NOL4L: variants seen among roughly 807,000 people sequenced by gnomAD.
NOL4L encodes the protein nucleolar protein 4-like.
Under a neutral mutation model 64.5 loss-of-function variants are expected in NOL4L, and 7 were observed. The observed-to-expected ratio is 0.11, with a 90% confidence interval of 0.06 to 0.20. NOL4L has a LOEUF of 0.20. Ranked by LOEUF, NOL4L falls within the 10% of genes least tolerant of loss-of-function variation. The pLI, the probability that NOL4L is intolerant of heterozygous loss-of-function variation, is 1.00. For synonymous variants in NOL4L, 413 were observed against 401.0 expected (o/e 1.03, Z -0.36); for missense variants, 680 against 967.1 (o/e 0.70, Z 3.94).
chr20:32,471,746 T>C (rs188315204), intron 5 of NOL4L, among the ~76,000 whole-genome samples: 2 of 152,214 alleles, frequency 1.3e-5, no homozygotes, highest in South Asian at 2.1e-4. Context: ...GGCTGGGTGC[T>C]GTATGGAGTG....
rs545198508 is a variant in NOL4L, at chr20:32,471,894, G to C, written c.841+2707C>G. The stretch of plus-strand genomic sequence containing the variant: ...CTGCCATGTCTGTAAGCTTCCTGAG[G>C]CCTCACCAGAAGCCAAGCAGATGCT... On this transcript the variant is annotated intron_variant, in intron 5 of 10. Coordinates refer to ENST00000621426, the MANE Select transcript of NOL4L (RefSeq NM_001256798.2). Among the ~76,000 whole-genome samples, 29 of 152,212 alleles carry C rather than the reference G, an allele frequency of 1.9e-4. No homozygotes were observed. The East Asian group carries it at 4.8e-3, about 25-fold the overall frequency.
chr20:32,558,903 C>A (rs535837930), intron 1 of NOL4L, among the ~76,000 whole-genome samples: 1 of 152,188 alleles, frequency 6.6e-6, no homozygotes, highest in African/African-American at 2.4e-5. Context: ...CAGCCTGGAC[C>A]GGAGCAGGGG....
At position 32,545,109 on chromosome 20, in the gene NOL4L, T is replaced by A. The variant is rs189952140; in HGVS notation, c.322-17196A>T. 1.8e-3 allele frequency among the ~76,000 whole-genome samples: 267 copies of A among 152,184 alleles called. 2 individuals are homozygous for A. The highest frequency in any genetic ancestry group is 0.015 in the South Asian group (71 of 4,814). ...GTTTATTACAATTTGAGTTTGTTGCTGATACTTAAAAGTTGGGGCTGGGCA... is the reference window on the plus strand; with the variant it reads ...GTTTATTACAATTTGAGTTTGTTGCAGATACTTAAAAGTTGGGGCTGGGCA... On this transcript the variant is annotated intron_variant, in intron 1 of 10. Coordinates refer to ENST00000621426, the MANE Select transcript of NOL4L (RefSeq NM_001256798.2).
chr20:32,565,988 T>C (rs1979405446), intron 1 of NOL4L, among the ~76,000 whole-genome samples: 1 of 152,106 alleles, frequency 6.6e-6, no homozygotes, highest in Admixed American at 6.5e-5. Context: ...AAGGCTGCAG[T>C]GAGCTGTGAT....
chr20:32,447,782 A>G lies in NOL4L; in HGVS notation c.1857T>C (p.Ser619=). ...PTDLSMKGGA[S]TTSTTPTPTP... ...TGGGCGTGGGGGTGGTGGAGGTGGTAGAGGCCCCGCCTTTCATGCTGAGGT... is the reference window on the plus strand; with the variant it reads ...TGGGCGTGGGGGTGGTGGAGGTGGTGGAGGCCCCGCCTTTCATGCTGAGGT... The change falls in exon 11 of 11, where the codon TCT becomes TCC. Residue 619 remains serine, a synonymous_variant. Transcript: ENST00000621426. 1 of 1,578,690 alleles carries G rather than the reference A, an allele frequency of 6.3e-7. No homozygotes were observed. Among genetic ancestry groups the G allele is most frequent in the Non-Finnish European group, 8.6e-7 (1 of 1,158,994 alleles).
chr20:32,531,316 T>C (rs1291923547), intron 1 of NOL4L, among the ~76,000 whole-genome samples: 1 of 151,950 alleles, frequency 6.6e-6, no homozygotes, highest in Non-Finnish European at 1.5e-5. Context: ...GATGGAAATT[T>C]CCCCCTAACC....
intron 5 of NOL4L, among the ~76,000 whole-genome samples, chr20:32,465,631 A>G (rs1157761115): frequency 3.3e-5 from 5 of 152,224 alleles, no homozygotes; most frequent in Non-Finnish European, 7.3e-5. Context: ...TTCTCAGAGC[A>G]AACAGAGCCA....
chr20:32,523,269 G>A (rs962789663), intron 2 of NOL4L, among the ~76,000 whole-genome samples: 2 of 152,212 alleles, frequency 1.3e-5, no homozygotes, highest in African/African-American at 2.4e-5. Context: ...GAGGGCCAGG[G>A]AGGGAAGCCC....
At chr20:32,498,698 G>A (rs1055526256) in intron 4 of NOL4L, among the ~76,000 whole-genome samples, 1 of 149,238 alleles carries the variant, frequency 6.7e-6, no homozygotes, top group African/African-American at 2.5e-5. Context: ...GGGAAGTCGA[G>A]GCTGCATTGA....
At chr20:32,484,310 C>T (rs1215082571) in intron 4 of NOL4L, among the ~76,000 whole-genome samples, 1 of 151,724 alleles carries the variant, frequency 6.6e-6, no homozygotes, top group Non-Finnish European at 1.5e-5. Context: ...CTCGGCCGTA[C>T]CCCCGCCCCA....
At chr20:32,573,104 C>A (rs1467845031) in intron 1 of NOL4L, among the ~76,000 whole-genome samples, 2 of 151,426 alleles carry the variant, frequency 1.3e-5, no homozygotes, top group Admixed American at 1.3e-4. Context: ...AGTGGCACAA[C>A]CACGGCTCAC....
intron 1 of NOL4L, among the ~76,000 whole-genome samples, chr20:32,539,937 CG>C (rs2145596124): frequency 6.6e-6 from 1 of 152,206 alleles, no homozygotes; most frequent in Admixed American, 6.5e-5. Context: ...TCCTGCCCCT[CG>C]GCCGGGGCTG....
intron 10 of NOL4L, among the ~76,000 whole-genome samples, chr20:32,449,018 CCCAATA>C (rs1354798393): frequency 6.6e-6 from 1 of 152,218 alleles, no homozygotes; most frequent in East Asian, 1.9e-4. Flanking sequence ...CCTAGACTGG[CCCAATA>C]GGGAAGGGCT....
At chr20:32,501,845 G>A (rs1435302847) in intron 4 of NOL4L, among the ~76,000 whole-genome samples, 1 of 152,164 alleles carries the variant, frequency 6.6e-6, no homozygotes, top group Non-Finnish European at 1.5e-5. Flanking sequence ...AATATCAAAA[G>A]AGAGAGAGCT....
chr20:32,548,778 GT>G, intron 1 of NOL4L: 1 of 433,362 alleles, frequency 2.3e-6, no homozygotes, highest in Non-Finnish European at 4.6e-6. Flanking sequence ...ATTCAGGGAT[GT>G]TCACTGAAGT....
intron 4 of NOL4L, among the ~76,000 whole-genome samples, chr20:32,492,817 G>A (rs1480235662): frequency 1.3e-5 from 2 of 152,204 alleles, no homozygotes; most frequent in African/African-American, 4.8e-5. Context: ...CCCAAGAGTG[G>A]AGAAACTGGC....
intron 5 of NOL4L, among the ~76,000 whole-genome samples, chr20:32,470,771 C>T (rs879376469): frequency 5.9e-5 from 9 of 152,244 alleles, no homozygotes; most frequent in African/African-American, 2.2e-4. Context: ...AAGGAGGGAG[C>T]GCCCCAAGTG....
At chr20:32,507,547 C>A (rs539902111) in intron 4 of NOL4L, among the ~76,000 whole-genome samples, 1 of 152,272 alleles carries the variant, frequency 6.6e-6, no homozygotes, top group South Asian at 2.1e-4. Flanking sequence ...TTCTGTCCAG[C>A]CCTCAAGAAA....
At chr20:32,581,702 C>T (rs938215997) in intron 1 of NOL4L, among the ~76,000 whole-genome samples, 1 of 152,206 alleles carries the variant, frequency 6.6e-6, no homozygotes, top group African/African-American at 2.4e-5. Context: ...CCACCACCCC[C>T]GACAGCTGGG....
Sources: gnomAD v4.1 joint callset for allele counts (sites outside exome capture counted in the v4.1 genomes callset) on GRCh38, gnomAD v4.1.1 for gene constraint, MANE v1.5 for transcripts, NCBI Gene and HGNC (gene_info 2026-07-23, HGNC 2026-07-21) for gene names.